Variants in STAU1 observed in about 807,000 individuals in gnomAD.
STAU1 encodes the protein staufen double-stranded RNA binding protein 1, also known as double-stranded RNA-binding protein Staufen homolog 1.
In STAU1, 13 loss-of-function variants were observed where a neutral mutation model predicts 62.9. That is an observed-to-expected ratio of 0.21 (90% CI 0.13 to 0.33). STAU1 has a LOEUF of 0.33. Ranked by LOEUF, STAU1 falls within the 10% of genes least tolerant of loss-of-function variation. STAU1 has a pLI of 1.00. For synonymous variants in STAU1, 269 were observed against 265.1 expected (o/e 1.01, Z -0.14); for missense variants, 571 against 712.1 (o/e 0.80, Z 2.25).
At chr20:49,175,355 C>T (rs945465559) in intron 1 of STAU1, among the ~76,000 whole-genome samples, 4 of 152,048 alleles carry the variant, frequency 2.6e-5, no homozygotes, top group African/African-American at 9.7e-5. Context: ...ACACAATTGC[C>T]TGGAAGCTGG....
chr20:49,139,298 A>C lies in STAU1; in HGVS notation c.511-3367T>G, dbSNP rs528958572. On this transcript the variant is annotated intron_variant, in intron 5 of 13. Transcript: ENST00000371856. ...ACTATCAAGAGAGTGAAGAAAACCC[A>C]CAGAATGGGATTTGCAAATCATTTA... is the stretch of plus-strand genomic sequence containing the variant. Among the ~76,000 whole-genome samples, 3 of 152,374 alleles carry C rather than the reference A, an allele frequency of 2.0e-5. No homozygotes were observed. In the South Asian group the frequency reaches 6.2e-4, roughly 32 times the overall value.
At chr20:49,119,420 A>C (rs1183694337) in intron 9 of STAU1, among the ~76,000 whole-genome samples, 1 of 152,098 alleles carries the variant, frequency 6.6e-6, no homozygotes, top group African/African-American at 2.4e-5. Flanking sequence ...TCAAGGCCTC[A>C]GCCTCCCAAA....
chr20:49,164,716 A>G (rs775769874), intron 3 of STAU1, among the ~76,000 whole-genome samples: 6 of 152,094 alleles, frequency 3.9e-5, no homozygotes, highest in Non-Finnish European at 5.9e-5. Flanking sequence ...GCAGTGAACC[A>G]TAATCTCACA....
chr20:49,205,615 C>T, the STAU1 span, among the ~76,000 whole-genome samples: 6 of 151,440 alleles, frequency 4.0e-5, no homozygotes, highest in South Asian at 8.3e-4. Flanking sequence ...CCACCCACCT[C>T]GGCCTCCCAA....
chr20:49,201,623 T>C, the STAU1 span, among the ~76,000 whole-genome samples: 1 of 151,866 alleles, frequency 6.6e-6, no homozygotes, highest in Non-Finnish European at 1.5e-5. Context: ...GCACCTGTAA[T>C]TCCAGCTATT....
intron 5 of STAU1, among the ~76,000 whole-genome samples, chr20:49,149,437 AT>A (rs569951313): frequency 6.6e-6 from 1 of 152,094 alleles, no homozygotes; most frequent in African/African-American, 2.4e-5. Flanking sequence ...CCTAGAATTT[AT>A]TTTTTTAACT....
the STAU1 span, among the ~76,000 whole-genome samples, chr20:49,197,977 T>A: frequency 1.3e-5 from 2 of 152,166 alleles, no homozygotes; most frequent in African/African-American, 4.8e-5. Flanking sequence ...CCAAAAGTGC[T>A]GGGATTATAG....
chr20:49,186,846 A>G (rs2093793867), intron 1 of STAU1, among the ~76,000 whole-genome samples: 1 of 152,022 alleles, frequency 6.6e-6, no homozygotes, highest in Non-Finnish European at 1.5e-5. Context: ...AATGAAAGCT[A>G]CAAGCAGAAG....
chr20:49,202,250 G>GAAAGAAAGA, the STAU1 span, among the ~76,000 whole-genome samples: 4 of 142,854 alleles, frequency 2.8e-5, no homozygotes, highest in African/African-American at 1.0e-4. Context: ...AAGAAAGAAA[G>GAAAGAAAGA]AAAGAAAGAA....
intron 4 of STAU1, among the ~76,000 whole-genome samples, chr20:49,153,398 G>T (rs2093293540): frequency 8.6e-6 from 1 of 116,646 alleles, no homozygotes; most frequent in East Asian, 2.4e-4. Flanking sequence ...CTGTCTCAAT[G>T]AATTAAAAAA....
In STAU1 at chr20:49,163,588, GC is replaced by G. The variant is rs575969068; in HGVS notation, c.205+2408del. On this transcript the variant is annotated intron_variant, in intron 3 of 13. Transcript: ENST00000371856. ...ATATAGGCACACACCGCTACACCTGGCTAATTTTTGTATTTTTAATAGAGAC... is the reference window on the plus strand; with the variant it reads ...ATATAGGCACACACCGCTACACCTGGTAATTTTTGTATTTTTAATAGAGAC... Among the ~76,000 whole-genome samples the G allele has an allele frequency of 1.3e-4, 19 of 151,944 alleles. No homozygotes were observed. In the East Asian group the frequency reaches 3.5e-3, roughly 28 times the overall value.
chr20:49,203,016 T>A, the STAU1 span, among the ~76,000 whole-genome samples: 1 of 152,100 alleles, frequency 6.6e-6, no homozygotes, highest in Non-Finnish European at 1.5e-5. Flanking sequence ...CACTCCAGCC[T>A]GGATGACAGA....
rs1207848980 is a variant in STAU1, at chr20:49,163,395, T to C, written c.205+2602A>G. Among the ~76,000 whole-genome samples, 19 of 151,256 alleles carry C rather than the reference T, an allele frequency of 1.3e-4. 1 individual carries two copies. The highest frequency in any genetic ancestry group is 1.2e-3 in the Admixed American group (18 of 15,126). On this transcript the variant is annotated intron_variant, in intron 3 of 13. Transcript: ENST00000371856. ...CTTAGTTTCTTGTCTATAATATTTT[T>C]AGGTATTTTTCAAGTGTTTAAACCT... is the stretch of plus-strand genomic sequence containing the variant.
At chr20:49,143,825 A>C (rs1394872069) in intron 5 of STAU1, among the ~76,000 whole-genome samples, 1 of 152,160 alleles carries the variant, frequency 6.6e-6, no homozygotes, top group African/African-American at 2.4e-5. Context: ...TTCTTATCCC[A>C]ATGTTTCTAA....
chr20:49,190,972 C>T (rs2093830465), upstream of STAU1, among the ~76,000 whole-genome samples: 1 of 141,138 alleles, frequency 7.1e-6, no homozygotes, highest in African/African-American at 2.7e-5. Context: ...ATGGTGTGAT[C>T]TCGGCTCTCT....
intron 5 of STAU1, among the ~76,000 whole-genome samples, chr20:49,141,671 G>A (rs578181584): frequency 6.6e-6 from 1 of 152,296 alleles, no homozygotes; most frequent in Admixed American, 6.5e-5. Flanking sequence ...AAGGCAGGCG[G>A]ATCACTTGAG....
intron 5 of STAU1, among the ~76,000 whole-genome samples, chr20:49,139,003 A>T (rs1012420765): frequency 1.3e-5 from 2 of 152,222 alleles, no homozygotes; most frequent in Non-Finnish European, 2.9e-5. Flanking sequence ...AAATACTGTA[A>T]GCTTGTTCAA....
intron 6 of STAU1, among the ~76,000 whole-genome samples, chr20:49,133,768 T>A (rs1281581607): frequency 6.6e-6 from 1 of 151,942 alleles, no homozygotes; most frequent in Non-Finnish European, 1.5e-5. Flanking sequence ...CAGGAATGAG[T>A]GTCAGAGGAA....
At chr20:49,135,068 A>G (rs2092846330) in intron 6 of STAU1, 1 of 1,189,358 alleles carries the variant, frequency 8.4e-7, no homozygotes, top group Non-Finnish European at 1.3e-6. Context: ...ATTTTCCAGC[A>G]AGATGTACAC....
Sources: gnomAD v4.1 joint callset for allele counts (sites outside exome capture counted in the v4.1 genomes callset) on GRCh38, gnomAD v4.1.1 for gene constraint, MANE v1.5 for transcripts, NCBI Gene and HGNC (gene_info 2026-07-23, HGNC 2026-07-21) for gene names.